PCDH15: variants seen among roughly 807,000 people sequenced by gnomAD.
PCDH15 encodes protocadherin related 15, also known as protocadherin-15.
In PCDH15, 129 loss-of-function variants were observed where a neutral mutation model predicts 178.5. The observed-to-expected ratio is 0.72, with a 90% CI of 0.63 to 0.84. The LOEUF is 0.84. Among genes scored for constraint, PCDH15 ranks in the 40% least tolerant of loss-of-function variants. The pLI, the probability that PCDH15 is intolerant of heterozygous loss-of-function variation, is 0.00. For missense variants in PCDH15, 2,230 were observed against 2,099.9 expected, an observed-to-expected ratio of 1.06 and a Z score of -1.21; for synonymous variants, 800 against 732.0, an observed-to-expected ratio of 1.09 and a Z score of -1.50.
chr10:55,044,961 T>C (rs1388063013), intron 2 of PCDH15, among the ~76,000 whole-genome samples: 3 of 152,088 alleles, frequency 2.0e-5, no homozygotes, highest in African/African-American at 7.2e-5. Context: ...GTTCACAAAA[T>C]ATTATATGTT....
At chr10:53,871,832 C>G (rs1318847451) in intron 26 of PCDH15, among the ~76,000 whole-genome samples, 1 of 152,000 alleles carries the variant, frequency 6.6e-6, no homozygotes, top group Non-Finnish European at 1.5e-5. Flanking sequence ...TGGCTCACCG[C>G]AACCTCCACC....
chr10:54,859,395 G>A (rs988299621), intron 3 of PCDH15, among the ~76,000 whole-genome samples: 5 of 151,934 alleles, frequency 3.3e-5, no homozygotes, highest in African/African-American at 9.7e-5. Context: ...TAGAAACAGA[G>A]TGTAAATTAC....
intron 20 of PCDH15, among the ~76,000 whole-genome samples, chr10:54,007,136 G>T (rs754294523): frequency 4.6e-4 from 70 of 152,176 alleles, no homozygotes; most frequent in Admixed American, 1.3e-4. Context: ...CTGTAGAACA[G>T]CCCTTTTCTT....
At chr10:54,724,650 TA>T (rs1942194009) in intron 1 of PCDH15, among the ~76,000 whole-genome samples, 1 of 151,540 alleles carries the variant, frequency 6.6e-6, no homozygotes, top group Admixed American at 6.6e-5. Context: ...TTACAGTACA[TA>T]AAAATTGTAA....
chr10:55,573,994 A>G (rs2132112698), intron 2 of PCDH15, among the ~76,000 whole-genome samples: 1 of 152,082 alleles, frequency 6.6e-6, no homozygotes, highest in East Asian at 1.9e-4. Flanking sequence ...ATAACATAAT[A>G]TTTCTGTAAA....
intron 20 of PCDH15, among the ~76,000 whole-genome samples, chr10:53,998,536 G>A (rs895180895): frequency 1.3e-5 from 2 of 151,938 alleles, no homozygotes; most frequent in African/African-American, 4.8e-5. Context: ...AAGATGTAAG[G>A]AATCTTTTTA....
At chr10:53,873,749 A>G (rs899243171) in intron 26 of PCDH15, among the ~76,000 whole-genome samples, 2 of 152,208 alleles carry the variant, frequency 1.3e-5, no homozygotes, top group African/African-American at 4.8e-5. Context: ...CCCCAAATTT[A>G]TATGTTGAAA....
chr10:55,359,937 G>T (rs148428304), intron 2 of PCDH15, among the ~76,000 whole-genome samples: 187 of 151,768 alleles, frequency 1.2e-3, no homozygotes, highest in African/African-American at 4.3e-3. Context: ...ATCTAAAAAA[G>T]TCTAATTCAT....
rs150097999 is a variant in PCDH15, at chr10:54,624,265, T to C, written c.91+39907A>G. The stretch of plus-strand genomic sequence containing the variant: ...CATCTCTCAAATTTGCAGTTTATAG[T>C]GCAGGAACAAAAAAGAAAAGGGAAG... On this transcript the variant is annotated intron_variant, in intron 2 of 37. Transcript: ENST00000644397. Among the ~76,000 whole-genome samples the C allele has an allele frequency of 5.8e-3, 877 of 152,260 alleles. 3 individuals carry two copies. The highest frequency in any genetic ancestry group is 0.02 in the African/African-American group (821 of 41,572).
At chr10:55,607,183 C>A (rs868376896) in intron 2 of PCDH15, among the ~76,000 whole-genome samples, 3,331 of 150,434 alleles carry the variant, frequency 0.022, 114 homozygotes, top group African/African-American at 0.076. Flanking sequence ...AAATGCAAAT[C>A]AAAACCACAA....
intron 8 of PCDH15, among the ~76,000 whole-genome samples, chr10:54,307,040 GTA>G (rs1158139613): frequency 1.3e-3 from 39 of 29,320 alleles, no homozygotes; most frequent in East Asian, 4.9e-3. Flanking sequence ...GTGTGTGTGT[GTA>G]TATATATATA....
chr10:55,340,588 G>A (rs1261401878), intron 2 of PCDH15, among the ~76,000 whole-genome samples: 10 of 151,786 alleles, frequency 6.6e-5, no homozygotes, highest in Admixed American at 6.6e-4. Context: ...ATATATTCGT[G>A]TACAACAAAT....
At chr10:54,855,385 G>A (rs922923933) in intron 3 of PCDH15, among the ~76,000 whole-genome samples, 1 of 152,192 alleles carries the variant, frequency 6.6e-6, no homozygotes, top group African/African-American at 2.4e-5. Flanking sequence ...AGCTGCAGAG[G>A]CACCTGGGGA....
rs182261514 is a variant in PCDH15 at position 53,912,073 on chromosome 10, C to A, written c.3374-8703G>T. On this transcript the variant is annotated intron_variant, in intron 25 of 37. Transcript: ENST00000644397. Reference sequence around the variant, plus strand: ...TAAAATACCCGCAAACTGAATCCAGCAGCACATCAAAAAGCTTATCCACCA... The same window carrying A: ...TAAAATACCCGCAAACTGAATCCAGAAGCACATCAAAAAGCTTATCCACCA... 3.4e-3 allele frequency among the ~76,000 whole-genome samples: 518 copies of A among 152,294 alleles called. 1 individual carries two copies. Among genetic ancestry groups the A allele is most frequent in the African/African-American group, 0.012 (504 of 41,558 alleles).
At chr10:55,004,921 C>T (rs905772472) in intron 2 of PCDH15, among the ~76,000 whole-genome samples, 6 of 151,986 alleles carry the variant, frequency 3.9e-5, no homozygotes, top group African/African-American at 1.2e-4. Context: ...AAATTTTTTA[C>T]ATCAGAATGG....
intron 2 of PCDH15, among the ~76,000 whole-genome samples, chr10:55,516,150 T>A (rs760751637): frequency 4.6e-5 from 7 of 152,106 alleles, no homozygotes; most frequent in Non-Finnish European, 8.8e-5. Flanking sequence ...AATCCCTATG[T>A]CTTATGGGAG....
chr10:54,220,790 AC>A (rs2052699326), intron 9 of PCDH15, among the ~76,000 whole-genome samples: 1 of 151,760 alleles, frequency 6.6e-6, no homozygotes, highest in African/African-American at 2.4e-5. Flanking sequence ...GCGCCACTGC[AC>A]TCCAGCCTGG....
At chr10:53,981,216 T>C (rs1454795509) in intron 21 of PCDH15, among the ~76,000 whole-genome samples, 2 of 152,242 alleles carry the variant, frequency 1.3e-5, no homozygotes, top group Non-Finnish European at 2.9e-5. Context: ...AAGATTTCAA[T>C]TATTTTCTTC....
chr10:55,188,893 A>G (rs1286012706), intron 1 of PCDH15, among the ~76,000 whole-genome samples: 1 of 151,926 alleles, frequency 6.6e-6, no homozygotes, highest in Non-Finnish European at 1.5e-5. Flanking sequence ...TTTGGCCCAA[A>G]TTTCTAAAAT....
Sources: gnomAD v4.1 joint callset for allele counts (sites outside exome capture counted in the v4.1 genomes callset) on GRCh38, gnomAD v4.1.1 for gene constraint, MANE v1.5 for transcripts, NCBI Gene and HGNC (gene_info 2026-07-23, HGNC 2026-07-21) for gene names.